Variants in ACIN1 observed in about 807,000 individuals in gnomAD.
ACIN1 encodes the protein apoptotic chromatin condensation inducer 1, also known as apoptotic chromatin condensation inducer in the nucleus.
In ACIN1, 16 loss-of-function variants were observed where a neutral mutation model predicts 146.6. That is an observed-to-expected ratio of 0.11 (90% CI 0.07 to 0.17). The LOEUF (loss-of-function observed/expected upper bound fraction) is 0.17, where lower values mean the gene tolerates loss of function less well. ACIN1 is among the 10% of genes least tolerant of loss of function. The probability of loss-of-function intolerance (pLI) is 1.00; values close to 1 mark genes in which losing one functional copy is unlikely to be tolerated. For synonymous variants in ACIN1, 569 were observed against 582.7 expected (o/e 0.98, Z 0.34); for missense variants, 1,357 against 1,609.3 (o/e 0.84, Z 2.68).
In ACIN1 at chr14:23,059,168, C is replaced by G; in HGVS notation, c.3832G>C (p.Asp1278His). ...CCCAGCTAGCGGCGCCCACCCCGGT[C>G]CCGCACAGGTGTGCTCCGACTCCGG... ...RSRSRSTPVR[D>H]RGGRR The change falls in exon 19 of 19, where the codon GAC (aspartate) becomes CAC (histidine). Residue 1278 changes from aspartate to histidine, a missense_variant. Asp to His is a moderately conservative substitution (Grantham distance 81, BLOSUM62 -1). Around this residue, in one of 4 missense-constraint regions of ACIN1, gnomAD observed 509 missense variants for 719.6 expected, o/e 0.71. Transcript: ENST00000605057. 1 of 1,613,982 alleles carries G rather than the reference C, an allele frequency of 6.2e-7. No homozygotes were observed. Among genetic ancestry groups the G allele is most frequent in the Non-Finnish European group, 8.5e-7 (1 of 1,179,972 alleles).
At chr14:23,066,280 T>C (rs1232549768) in intron 9 of ACIN1, 1 of 313,626 alleles carries the variant, frequency 3.2e-6, no homozygotes, top group Non-Finnish European at 5.9e-6. Flanking sequence ...ACCTGTGTAT[T>C]AGCTTAACCA....
intron 9 of ACIN1, 109 bp downstream of exon 9, chr14:23,069,367 T>A (rs2047557591): frequency 6.7e-7 from 1 of 1,486,892 alleles, no homozygotes; most frequent in South Asian, 1.4e-5. Context: ...CCCTGCCTCA[T>A]CCCTCCTTTA....
rs2047181432 is a variant in ACIN1 at position 23,059,025 on chromosome 14, A to G, written c.*123T>C. On this transcript the variant is annotated 3_prime_UTR_variant, in exon 19 of 19. Coordinates refer to ENST00000605057, the MANE Select transcript of ACIN1 (RefSeq NM_001386863.1). ...ATGGCCACTTTTCCATTTGGTATGT[A>G]TGTAGGGATAGGTGATGTGAAAGAC... The G allele has an allele frequency of 3.4e-6, 3 of 881,498 alleles. No individual in the cohort carries two copies. Among genetic ancestry groups the G allele is most frequent in the Non-Finnish European group, 5.3e-6 (3 of 562,230 alleles). The allele number at this position is 881,498 out of a possible 1,614,324, so 54.6% of individuals were successfully genotyped here.
intron 8 of ACIN1, among the ~76,000 whole-genome samples, chr14:23,070,110 A>C (rs1362190944): frequency 6.6e-6 from 1 of 151,234 alleles, no homozygotes; most frequent in Non-Finnish European, 1.5e-5. Flanking sequence ...TTTGGCAAAA[A>C]AGCCTGACCT....
In ACIN1 at chr14:23,064,272, C is replaced by T. The variant is rs745946594; in HGVS notation, c.2443-15G>A. 6 of 1,613,686 alleles carry T rather than the reference C, an allele frequency of 3.7e-6. No homozygotes were observed. In the South Asian group the frequency reaches 4.4e-5, roughly 12 times the overall value. ...GGGATGAGGCTCTGGGACACAGATA[C>T]CCCCCACCCCGTTACACTGGGCCCA... is the stretch of plus-strand genomic sequence containing the variant. On this transcript the variant is annotated splice_polypyrimidine_tract_variant and intron_variant, in intron 11 of 18. Transcript: ENST00000605057.
At chr14:23,079,271 G>A (rs182434498) in intron 6 of ACIN1, among the ~76,000 whole-genome samples, 103 of 152,230 alleles carry the variant, frequency 6.8e-4, no homozygotes, top group African/African-American at 2.4e-3. Context: ...ACGTAAAAGG[G>A]CATGCCCACA....
At chr14:23,079,164 C>G (rs2047878222) in intron 6 of ACIN1, 126 bp from the exon 7 acceptor site, 4 of 979,302 alleles carry the variant, frequency 4.1e-6, no homozygotes, top group South Asian at 1.8e-5. Context: ...TGTGTTTACT[C>G]CCATTTTGTC....
rs1003069425 is a variant in ACIN1, at chr14:23,071,146, A to G, written c.2124-1529T>C. ...TCACCCTTCTTTGCTTTCTGATAAC[A>G]TGATTTTTTTTCTCCCCCTGGAAGT... On this transcript the variant is annotated intron_variant, in intron 8 of 18. Transcript: ENST00000605057. 19 of 1,551,548 alleles carry G rather than the reference A, an allele frequency of 1.2e-5. No individual in the cohort carries two copies. In the African/African-American group the frequency reaches 1.4e-4, roughly 11 times the overall value.
intron 14 of ACIN1, 63 bp downstream of exon 14, chr14:23,062,866 C>T: frequency 6.6e-7 from 1 of 1,523,236 alleles, no homozygotes; most frequent in South Asian, 1.3e-5. Flanking sequence ...ACCTAGGAGG[C>T]ATAAGCCTAA....
At chr14:23,061,971 C>CCAAAAA (rs758459789) in intron 16 of ACIN1, among the ~76,000 whole-genome samples, 197 bp downstream of exon 16, 5 of 59,146 alleles carry the variant, frequency 8.5e-5, no homozygotes, top group African/African-American at 1.5e-4. Context: ...GACTCTGTCT[C>CCAAAAA]AAAAAAAAAA....
At chr14:23,081,691 G>T (rs548529982) in intron 5 of ACIN1, 57 bp downstream of exon 5, 3 of 1,419,576 alleles carry the variant, frequency 2.1e-6, no homozygotes, top group East Asian at 2.3e-5. Context: ...GTCTGAAGAA[G>T]AGAAGATATC....
chr14:23,083,950 ATTT>A (rs879327435), intron 4 of ACIN1, among the ~76,000 whole-genome samples: 1 of 144,292 alleles, frequency 6.9e-6, no homozygotes, highest in Non-Finnish European at 1.5e-5. Context: ...CTTCTCTCTT[ATTT>A]TTTTTTTTTT....
intron 4 of ACIN1, among the ~76,000 whole-genome samples, chr14:23,088,106 A>G (rs1175268739): frequency 6.6e-6 from 1 of 152,066 alleles, no homozygotes; most frequent in Non-Finnish European, 1.5e-5. Context: ...TGCTGTGCTA[A>G]CTCCCAATAT....
rs1170147073 is a variant in ACIN1, at chr14:23,089,969, G to A, written c.436+13C>T. 1 of 1,599,390 alleles carries A rather than the reference G, an allele frequency of 6.3e-7. No individual in the cohort carries two copies. On this transcript the variant is annotated intron_variant, in intron 4 of 18. Transcript: ENST00000605057. ...GATTGACAAAACAGCGCAGTGGGGA[G>A]GGAGATACGTACTGGGCGAATGTCT...
intron 8 of ACIN1, chr14:23,071,596 G>A (rs1435347926): frequency 2.6e-6 from 4 of 1,530,158 alleles, no homozygotes; most frequent in Non-Finnish European, 3.5e-6. Context: ...GGATGGGGGA[G>A]GGCCTTGCTG....
At chr14:23,084,482 C>T (rs2048034968) in intron 4 of ACIN1, among the ~76,000 whole-genome samples, 2 of 151,950 alleles carry the variant, frequency 1.3e-5, no homozygotes, top group South Asian at 4.2e-4. Flanking sequence ...TGGTGGCGTA[C>T]GCCTGCAGTC....
chr14:23,061,971 CA>C (rs57962360), intron 16 of ACIN1, among the ~76,000 whole-genome samples, 196 bp downstream of exon 16: 981 of 59,092 alleles, frequency 0.017, 12 homozygotes, highest in African/African-American at 0.056. Context: ...GACTCTGTCT[CA>C]AAAAAAAAAA....
Position 23,059,457 on chromosome 14 carries a change from T to G in ACIN1, c.3543A>C (p.Ala1181=). The G allele has an allele frequency of 6.2e-7, 1 of 1,613,902 alleles. No individual in the cohort carries two copies. Among genetic ancestry groups the G allele is most frequent in the East Asian group, 2.2e-5 (1 of 44,856 alleles). The part of the protein sequence containing the change: ...LTDSQIVQKE[A]ERAERAKERE... The stretch of plus-strand genomic sequence containing the variant: ...GCTCCTTGGCCCGTTCGGCCCGCTC[T>G]GCCTCTTTCTGAACGATCTGTAGCC... Residue 1181 remains alanine (A), a synonymous_variant, in exon 19 of 19, where the codon GCA becomes GCC. Coordinates refer to ENST00000605057, the MANE Select transcript of ACIN1 (RefSeq NM_001386863.1).
At chr14:23,071,418 A>AG in intron 8 of ACIN1, 1 of 1,551,628 alleles carries the variant, frequency 6.4e-7, no homozygotes. Context: ...ATAAGCGTTA[A>AG]GTCCTCACGG....
Sources: allele counts gnomAD v4.1 joint callset (sites outside exome capture counted in the v4.1 genomes callset), GRCh38; gene constraint gnomAD v4.1.1; regional missense constraint gnomAD v4.1.1; transcripts MANE v1.5; gene names NCBI Gene and HGNC (gene_info 2026-07-23, HGNC 2026-07-21).